LMOD1: variants seen among roughly 807,000 people sequenced by gnomAD.
LMOD1 encodes the protein leiomodin 1, also known as leiomodin-1.
In LMOD1, 8 loss-of-function variants were observed where a neutral mutation model predicts 36.5. That is an observed-to-expected ratio of 0.22 (90% CI 0.13 to 0.40). The LOEUF (loss-of-function observed/expected upper bound fraction) is 0.40, where lower values mean the gene tolerates loss of function less well. Ranked by LOEUF, LMOD1 falls within the 10% of genes least tolerant of loss-of-function variation. The pLI is 1.00. For missense variants in LMOD1, 630 were observed against 751.1 expected (o/e 0.84, Z 1.88); for synonymous variants, 284 against 288.7 (o/e 0.98, Z 0.17).
intron 1 of LMOD1, among the ~76,000 whole-genome samples, chr1:201,924,292 C>T (rs556391361): frequency 1.3e-4 from 19 of 144,440 alleles, no homozygotes; most frequent in Admixed American, 9.0e-4. Flanking sequence ...CCACTGCACT[C>T]CAGCCTGGGT....
At chr1:201,903,674 T>G (rs1681366085) in intron 1 of LMOD1, among the ~76,000 whole-genome samples, 1 of 152,210 alleles carries the variant, frequency 6.6e-6, no homozygotes, top group African/African-American at 2.4e-5. Context: ...TCACTGATTC[T>G]GTCCACTTTT....
intron 1 of LMOD1, among the ~76,000 whole-genome samples, chr1:201,934,584 C>T (rs1471408976): frequency 1.3e-5 from 2 of 152,172 alleles, no homozygotes; most frequent in Non-Finnish European, 2.9e-5. Flanking sequence ...CTCCAGCTGC[C>T]ACCCTACTAT....
chr1:201,902,220 T>G (rs1681343651), intron 1 of LMOD1, among the ~76,000 whole-genome samples: 1 of 152,056 alleles, frequency 6.6e-6, no homozygotes, highest in South Asian at 2.1e-4. Context: ...TTTTTTTAAA[T>G]TCACAGTATT....
At chr1:201,921,149 A>G (rs1023778200) in intron 1 of LMOD1, among the ~76,000 whole-genome samples, 1 of 152,002 alleles carries the variant, frequency 6.6e-6, no homozygotes, top group African/African-American at 2.4e-5. Context: ...TGAGATGATC[A>G]ACTGTTTTGG....
intron 1 of LMOD1, among the ~76,000 whole-genome samples, chr1:201,943,845 C>G (rs1682159814): frequency 1.3e-5 from 2 of 152,158 alleles, no homozygotes; most frequent in African/African-American, 4.8e-5. Context: ...GAAACTGAGG[C>G]TTAGATTAGG....
intron 1 of LMOD1, among the ~76,000 whole-genome samples, chr1:201,940,717 T>A (rs536636134): frequency 1.3e-3 from 191 of 147,216 alleles, no homozygotes; most frequent in African/African-American, 4.6e-3. Flanking sequence ...CCCAAGTAGC[T>A]GGACTACAGG....
At chr1:201,916,906 G>A (rs1343477032) in intron 1 of LMOD1, among the ~76,000 whole-genome samples, 1 of 152,190 alleles carries the variant, frequency 6.6e-6, no homozygotes, top group Non-Finnish European at 1.5e-5. Context: ...CTCCCAAGAT[G>A]ATCTCCAGGG....
chr1:201,945,520 C>T (rs1682195664), intron 1 of LMOD1, among the ~76,000 whole-genome samples: 1 of 152,176 alleles, frequency 6.6e-6, no homozygotes, highest in African/African-American at 2.4e-5. Context: ...CCACATTTCC[C>T]AGCCCATAGA....
chr1:201,934,801 G>A (rs2102928807), intron 1 of LMOD1, among the ~76,000 whole-genome samples: 1 of 152,306 alleles, frequency 6.6e-6, no homozygotes, highest in South Asian at 2.1e-4. Context: ...AATGGATGTG[G>A]TACAGTACTC....
In LMOD1 at chr1:201,898,255, AGAATAGGG is replaced by A; in HGVS notation, c.*109_*116del. 9.8e-7 allele frequency: 1 copy of A among 1,019,430 alleles called. No individual in the cohort carries two copies. The highest frequency in any genetic ancestry group is 1.4e-5 in the South Asian group (1 of 73,194). The allele number at this position is 1,019,430 out of a possible 1,614,324, so 63.1% of individuals were successfully genotyped here. A position where few individuals can be genotyped will look rare whatever the true frequency, so the allele number is the denominator to read the frequency against. ...ACCCAGGCCTGGACTCTCCCATGGC[AGAATAGGG>A]ACATCCACAGCAGGTCAGCCAGGGA... On this transcript the variant is annotated 3_prime_UTR_variant, in exon 3 of 3. Coordinates refer to ENST00000367288, the MANE Select transcript of LMOD1 (RefSeq NM_012134.3).
At chr1:201,908,165 C>G (rs1311441124) in intron 1 of LMOD1, among the ~76,000 whole-genome samples, 1 of 152,218 alleles carries the variant, frequency 6.6e-6, no homozygotes, top group Non-Finnish European at 1.5e-5. Context: ...TAGGTCTCAG[C>G]ACCTGCCAGC....
intron 1 of LMOD1, among the ~76,000 whole-genome samples, chr1:201,905,727 G>A (rs1681400723): frequency 1.3e-5 from 2 of 152,220 alleles, no homozygotes; most frequent in African/African-American, 4.8e-5. Context: ...CCATGTAGCT[G>A]CAAGGGAGGA....
chr1:201,896,903 C>T lies in LMOD1; in HGVS notation c.*1469G>A, dbSNP rs772220474. On this transcript the variant is annotated 3_prime_UTR_variant, in exon 3 of 3. Transcript: ENST00000367288. ...TCCTAGCTGGGGCACCCCACCCTCA[C>T]CTCAAAGATGGTGAAACTGCTGTGC... The T allele has an allele frequency of 2.3e-5, 8 of 354,874 alleles. No homozygotes were observed. Among genetic ancestry groups the T allele is most frequent in the Middle Eastern group, 1.0e-3 (1 of 994 alleles). 22.0% of individuals were successfully genotyped at this position (354,874 alleles called of 1,614,324 possible).
chr1:201,938,563 A>T (rs1028979280), intron 1 of LMOD1, among the ~76,000 whole-genome samples: 7 of 152,222 alleles, frequency 4.6e-5, no homozygotes, highest in Non-Finnish European at 1.0e-4. Context: ...TATTCTAACC[A>T]CTAGACTCAT....
Position 201,897,529 on chromosome 1 carries a change from G to T in LMOD1, c.*843C>A, listed in dbSNP as rs1681216480. On this transcript the variant is annotated 3_prime_UTR_variant, in exon 3 of 3. Transcript: ENST00000367288. ...TCTGAGGATGTGAATTTATTTCTTG[G>T]CCAACTCAAATAGTGTGGCAGGGAA... The T allele has an allele frequency of 1.3e-5, 2 of 152,734 alleles. 1 individual carries two copies. The highest frequency in any genetic ancestry group is 1.3e-4 in the Admixed American group (2 of 15,282). 9.5% of individuals were successfully genotyped at this position (152,734 alleles called of 1,614,324 possible).
Position 201,899,729 on chromosome 1 carries a change from G to A in LMOD1, c.1284C>T (p.Ile428=). The stretch of plus-strand genomic sequence containing the variant: ...TCTCCATCTCCGTCTTGCCTCCACA[G>A]ATGTGTCGCTGGTTGTGGAAGCGGA... ...TELRFHNQRH[I]CGGKTEMEIA... Residue 428 remains isoleucine, a synonymous_variant, in exon 2 of 3, where the codon ATC becomes ATT. Coordinates refer to ENST00000367288, the MANE Select transcript of LMOD1 (RefSeq NM_012134.3). The surrounding 1 kb of genome is among the most constrained non-coding windows in gnomAD (Gnocchi z 6.3). 2 of 1,614,068 alleles carry A rather than the reference G, an allele frequency of 1.2e-6. No homozygotes were observed. Among genetic ancestry groups the A allele is most frequent in the South Asian group, 2.2e-5 (2 of 91,080 alleles).
At chr1:201,927,049 A>T (rs1454275508) in intron 1 of LMOD1, among the ~76,000 whole-genome samples, 2 of 152,224 alleles carry the variant, frequency 1.3e-5, no homozygotes, top group African/African-American at 4.8e-5. Flanking sequence ...CACGTTTTGC[A>T]TACTGTCTAT....
At chr1:201,903,101 G>A (rs959360171) in intron 1 of LMOD1, among the ~76,000 whole-genome samples, 7 of 152,154 alleles carry the variant, frequency 4.6e-5, no homozygotes, top group African/African-American at 1.7e-4. Context: ...GCTCTCTGTC[G>A]CACTCTCGGG....
chr1:201,899,538 T>G lies in LMOD1; in HGVS notation c.1475A>C (p.Lys492Thr). The G allele has an allele frequency of 6.2e-7, 1 of 1,613,932 alleles. No individual in the cohort carries two copies. Among genetic ancestry groups the G allele is most frequent in the Non-Finnish European group, 8.5e-7 (1 of 1,179,852 alleles). ...CTTGGGTACCTCCAGCAGATCCTTC[T>G]TCTCTCCCTTGGCTTCCTGTGCCTG... ...QRQAQEAKGE[K>T]KDLLEVPKAG... Residue 492 changes from lysine to threonine, a missense_variant, in exon 2 of 3, where the codon AAG (lysine) becomes ACG (threonine). This residue lies in a region of LMOD1 where 144 missense variants were observed against 169.8 expected (regional missense o/e 0.85). Coordinates refer to ENST00000367288, the MANE Select transcript of LMOD1 (RefSeq NM_012134.3). This position sits in a 1 kb window ranked among gnomAD's most constrained non-coding sequence, Gnocchi z 6.3.
Sources: allele counts gnomAD v4.1 joint callset (sites outside exome capture counted in the v4.1 genomes callset), GRCh38; gene constraint gnomAD v4.1.1; regional missense constraint gnomAD v4.1.1; non-coding constraint Gnocchi (gnomAD v3.1); transcripts MANE v1.5; gene names NCBI Gene and HGNC (gene_info 2026-07-23, HGNC 2026-07-21).